TIMM23B: variants seen among roughly 807,000 people sequenced by gnomAD.
TIMM23B encodes mitochondrial import inner membrane translocase subunit Tim23B.
TIMM23B carries 27 observed loss-of-function variants against 27.3 expected under a neutral mutation model. The ratio of observed to expected loss-of-function variants is 0.99; its 90% CI spans 0.73 to 1.36. The LOEUF is 1.36. Ranked by LOEUF, TIMM23B falls within the 40% of genes most tolerant of loss-of-function variation. The probability of loss-of-function intolerance (pLI) is 0.00; values close to 1 mark genes in which losing one functional copy is unlikely to be tolerated. For synonymous variants in TIMM23B, 73 were observed against 92.4 expected, an observed-to-expected ratio of 0.79 and a Z score of 1.21; for missense variants, 205 against 244.2, an observed-to-expected ratio of 0.84 and a Z score of 1.07.
intron 4 of TIMM23B, 91 bp downstream of exon 4, chr10:49,952,624 G>A: frequency 1.4e-6 from 2 of 1,441,168 alleles, no homozygotes; most frequent in South Asian, 1.3e-5. Context: ...GATTACAGAT[G>A]GTTAGCATAG....
At chr10:49,949,341 A>T (rs1482474160) in intron 2 of TIMM23B, among the ~76,000 whole-genome samples, 25 of 151,802 alleles carry the variant, frequency 1.6e-4, no homozygotes, top group Admixed American at 6.6e-5. Flanking sequence ...GGACCTTGCC[A>T]ATTTAAAGCT....
chr10:49,959,213 T>TA (rs1338983421), intron 6 of TIMM23B, among the ~76,000 whole-genome samples: 2 of 152,336 alleles, frequency 1.3e-5, no homozygotes, highest in Middle Eastern at 3.4e-3. Flanking sequence ...CATTTTAGTT[T>TA]AGTTTTTTTA....
intron 4 of TIMM23B, among the ~76,000 whole-genome samples, chr10:49,953,228 G>A (rs1212417048): frequency 2.6e-5 from 4 of 151,614 alleles, no homozygotes; most frequent in Non-Finnish European, 5.9e-5. Flanking sequence ...TGTATTCTTC[G>A]ATGGCTACTG....
intron 5 of TIMM23B, among the ~76,000 whole-genome samples, chr10:49,956,426 C>CAT (rs376246715): frequency 4.4e-5 from 5 of 113,854 alleles, no homozygotes; most frequent in African/African-American, 1.2e-4. Flanking sequence ...ACTAGAAATA[C>CAT]GTGTGTGTGT....
chr10:49,954,901 C>T lies in TIMM23B; in HGVS notation c.345-101C>T, dbSNP rs1157315993. 1.2e-5 allele frequency: 15 copies of T among 1,301,038 alleles called. No homozygotes were observed. In the East Asian group the frequency reaches 1.4e-4, roughly 12 times the overall value. 80.6% of individuals were successfully genotyped at this position (1,301,038 alleles called of 1,614,324 possible). ...GTATTTTAGAATTTAAAAAACTTTG[C>T]GCCCTGGGTCTAGACATGTTAAATA... On this transcript the variant is annotated intron_variant, in intron 4 of 6. Transcript: ENST00000651259.
intron 1 of TIMM23B, among the ~76,000 whole-genome samples, 177 bp downstream of exon 1, chr10:49,942,477 A>G (rs1839155217): frequency 2.0e-5 from 3 of 152,086 alleles, no homozygotes; most frequent in African/African-American, 7.2e-5. Context: ...AGAAAGGCCT[A>G]AAAAAGGGCC....
rs148924324 is a variant in TIMM23B at position 49,963,439 on chromosome 10, A to G, written c.514+4959A>G. ...GCAGTGGTGCACTCCAACCTGGGCA[A>G]TAGAGCAGGTCTCCGTCTCGAAATG... On this transcript the variant is annotated intron_variant, in intron 6 of 6. Transcript: ENST00000651259. 5.9e-3 allele frequency among the ~76,000 whole-genome samples: 905 copies of G among 152,328 alleles called. 4 individuals carry two copies. Among genetic ancestry groups the G allele is most frequent in the Non-Finnish European group, 9.8e-3 (667 of 68,024 alleles).
intron 2 of TIMM23B, among the ~76,000 whole-genome samples, chr10:49,951,893 T>C (rs1431428347): frequency 6.6e-5 from 10 of 152,268 alleles, no homozygotes; most frequent in Admixed American, 6.5e-4. Flanking sequence ...ATTTACGTTT[T>C]GAAGGAAACA....
At chr10:49,960,386 AAAT>A (rs1839858731) in intron 6 of TIMM23B, among the ~76,000 whole-genome samples, 1 of 147,960 alleles carries the variant, frequency 6.8e-6, no homozygotes, top group African/African-American at 2.5e-5. Flanking sequence ...TCATGTTTTT[AAAT>A]AATATTATTA....
rs1320175197 is a variant in TIMM23B, at chr10:49,973,662, C to A, written c.*598C>A. On this transcript the variant is annotated 3_prime_UTR_variant, in exon 7 of 7. Coordinates refer to ENST00000651259, the MANE Select transcript of TIMM23B (RefSeq NM_001290117.2). ...ACTGCTCTCCAGCCTGGGTGACACA[C>A]CAAGTTGCCATCTCTTCAAAAAAGG... 2 of 151,282 alleles carry A rather than the reference C, an allele frequency of 1.3e-5. No homozygotes were observed. Among genetic ancestry groups the A allele is most frequent in the Admixed American group, 6.6e-5 (1 of 15,206 alleles). 9.4% of individuals were successfully genotyped at this position (151,282 alleles called of 1,614,324 possible).
In TIMM23B at chr10:49,952,229, A is replaced by G; in HGVS notation, c.259+10A>G. 1.9e-6 allele frequency: 3 copies of G among 1,602,848 alleles called. No individual in the cohort carries two copies. The Admixed American group carries it at 5.0e-5, about 27-fold the overall frequency. On this transcript the variant is annotated intron_variant, in intron 3 of 6. Transcript: ENST00000651259. ...GGGTGTTGCATGACAGGTGAGTGTT[A>G]CATACTTTTTTCTCAAGAGTGCTCA...
intron 2 of TIMM23B, among the ~76,000 whole-genome samples, chr10:49,945,784 T>C (rs1401026809): frequency 6.6e-6 from 1 of 152,166 alleles, no homozygotes; most frequent in Non-Finnish European, 1.5e-5. Context: ...TTGTGCCATA[T>C]CAATTTATAA....
intron 6 of TIMM23B, among the ~76,000 whole-genome samples, chr10:49,961,894 C>G (rs1171000665): frequency 1.3e-5 from 2 of 150,276 alleles, no homozygotes; most frequent in African/African-American, 2.5e-5. Flanking sequence ...CTGTGCCCAG[C>G]TGTCTGAATT....
At chr10:49,970,632 C>A (rs1345936601) in intron 6 of TIMM23B, among the ~76,000 whole-genome samples, 3 of 150,712 alleles carry the variant, frequency 2.0e-5, no homozygotes, top group Non-Finnish European at 4.4e-5. Context: ...GGGCAGCCCC[C>A]GCCCGGCCAG....
At chr10:49,963,174 TAG>T (rs1327241707) in intron 6 of TIMM23B, among the ~76,000 whole-genome samples, 2 of 152,116 alleles carry the variant, frequency 1.3e-5, no homozygotes, top group Non-Finnish European at 2.9e-5. Context: ...GCCTGGGCGA[TAG>T]AGCGAGTCTG....
At position 49,942,193 on chromosome 10, in the gene TIMM23B, C is replaced by T; in HGVS notation, c.-2C>T. On this transcript the variant is annotated 5_prime_UTR_variant, in exon 1 of 7. Transcript: ENST00000651259. ...GGGAACCACTCGGTTTGCTGCGATACCATGGAAGGAGGCGGGGGAAGCGGC... is the reference window on the plus strand; with the variant it reads ...GGGAACCACTCGGTTTGCTGCGATATCATGGAAGGAGGCGGGGGAAGCGGC... 2 of 1,599,162 alleles carry T rather than the reference C, an allele frequency of 1.3e-6. No individual in the cohort carries two copies. Among genetic ancestry groups the T allele is most frequent in the Non-Finnish European group, 1.7e-6 (2 of 1,171,554 alleles).
chr10:49,951,083 T>C (rs1234308021), intron 2 of TIMM23B, among the ~76,000 whole-genome samples: 2 of 152,216 alleles, frequency 1.3e-5, no homozygotes, highest in Non-Finnish European at 2.9e-5. Context: ...CAGATTTTAT[T>C]ATTGCCCAAC....
At chr10:49,955,895 T>C (rs1404461460) in intron 5 of TIMM23B, among the ~76,000 whole-genome samples, 1 of 152,212 alleles carries the variant, frequency 6.6e-6, no homozygotes, top group Non-Finnish European at 1.5e-5. Flanking sequence ...GTTGCTGATG[T>C]CTGCATTCCT....
chr10:49,942,233 G>C lies in TIMM23B; in HGVS notation c.39G>C (p.Gly13=), dbSNP rs1839134980. The part of the protein sequence containing the change: ...GGGGSGDKTT[G]VLAGFFGAGE... ...GGGGAAGCGGCGACAAAACCACAGG[G>C]GTATTGGCCGGCTTTTTCGGAGCCG... Residue 13 remains glycine, a synonymous_variant, in exon 1 of 7, where the codon GGG becomes GGC. Coordinates refer to ENST00000651259, the MANE Select transcript of TIMM23B (RefSeq NM_001290117.2). The C allele has an allele frequency of 8.7e-6, 14 of 1,612,546 alleles. No homozygotes were observed. The highest frequency in any genetic ancestry group is 1.2e-5 in the Non-Finnish European group (14 of 1,179,354).
Sources: allele counts gnomAD v4.1 joint callset (sites outside exome capture counted in the v4.1 genomes callset), GRCh38; gene constraint gnomAD v4.1.1; transcripts MANE v1.5; gene names NCBI Gene and HGNC (gene_info 2026-07-23, HGNC 2026-07-21).